TEX9: variants seen among roughly 807,000 people sequenced by gnomAD.
The protein encoded by TEX9 is testis-expressed protein 9.
In TEX9, 74 loss-of-function variants were observed where a neutral mutation model predicts 59.6. That is an observed-to-expected ratio of 1.24 (90% CI 1.03 to 1.51). The LOEUF (loss-of-function observed/expected upper bound fraction) is 1.51, where lower values mean the gene tolerates loss of function less well. TEX9 is among the 40% of genes most tolerant of loss of function. The probability of loss-of-function intolerance (pLI) is 0.00; values close to 1 mark genes in which losing one functional copy is unlikely to be tolerated. For synonymous variants in TEX9, 186 were observed against 152.2 expected, an observed-to-expected ratio of 1.22 and a Z score of -1.64; for missense variants, 522 against 447.8, an observed-to-expected ratio of 1.17 and a Z score of -1.49.
At chr15:56,324,732 C>G (rs550281004) in intron 1 of TEX9, among the ~76,000 whole-genome samples, 1 of 152,114 alleles carries the variant, frequency 6.6e-6, no homozygotes, top group Non-Finnish European at 1.5e-5. Context: ...ATTTTGTGGC[C>G]TGGCTTCGGC....
chr15:56,262,590 G>T (rs1274444981), intron 1 of TEX9, among the ~76,000 whole-genome samples: 1 of 152,160 alleles, frequency 6.6e-6, no homozygotes, highest in Non-Finnish European at 1.5e-5. Context: ...GTTAGGTGTA[G>T]TGTCATATCG....
At chr15:56,393,399 A>C (rs1298302721) in intron 7 of TEX9, among the ~76,000 whole-genome samples, 1 of 152,184 alleles carries the variant, frequency 6.6e-6, no homozygotes, top group Admixed American at 6.5e-5. Flanking sequence ...TATGCTCTGC[A>C]CGTCACATGT....
At chr15:56,337,213 C>T (rs560912777) in intron 1 of TEX9, among the ~76,000 whole-genome samples, 1 of 152,280 alleles carries the variant, frequency 6.6e-6, no homozygotes. Context: ...TCCTGTTCCA[C>T]ACATTCTATA....
intron 1 of TEX9, among the ~76,000 whole-genome samples, chr15:56,360,396 G>A (rs2046768325): frequency 1.3e-5 from 2 of 152,108 alleles, no homozygotes; most frequent in South Asian, 4.1e-4. Context: ...CAATGTCCTT[G>A]CCTACTCAGA....
At chr15:56,428,870 T>C in intron 12 of TEX9, 1 of 458,992 alleles carries the variant, frequency 2.2e-6, no homozygotes, top group South Asian at 3.2e-5. Context: ...ATGCAAACAG[T>C]GCTCTGTAGT....
At chr15:56,251,344 C>T (rs1304050285) in intron 1 of TEX9, among the ~76,000 whole-genome samples, 1 of 152,116 alleles carries the variant, frequency 6.6e-6, no homozygotes, top group East Asian at 1.9e-4. Flanking sequence ...CCAAGCCTGG[C>T]TCTGTTGATG....
intron 1 of TEX9, among the ~76,000 whole-genome samples, chr15:56,310,268 CTAAAGA>C (rs2141617610): frequency 6.6e-6 from 1 of 152,210 alleles, no homozygotes; most frequent in South Asian, 2.1e-4. Flanking sequence ...CCCGTCTCTA[CTAAAGA>C]TACAAAAATT....
At chr15:56,396,571 T>TG (rs1194030969) in intron 9 of TEX9, 1 of 150,738 alleles carries the variant, frequency 6.6e-6, no homozygotes, top group Non-Finnish European at 1.5e-5. Context: ...TGAATCTGTT[T>TG]TTTTTTTTTT....
chr15:56,346,418 C>T (rs114837294), intron 1 of TEX9, among the ~76,000 whole-genome samples: 159 of 152,208 alleles, frequency 1.0e-3, no homozygotes, highest in African/African-American at 3.7e-3. Context: ...TTTCCTGGAT[C>T]CCAGGATGGC....
At chr15:56,291,541 C>T (rs1289346537) in intron 1 of TEX9, among the ~76,000 whole-genome samples, 1 of 152,174 alleles carries the variant, frequency 6.6e-6, no homozygotes, top group Non-Finnish European at 1.5e-5. Flanking sequence ...GATTACCTCA[C>T]ATACTTATCA....
intron 1 of TEX9, among the ~76,000 whole-genome samples, chr15:56,346,706 T>C (rs2046477586): frequency 6.6e-6 from 1 of 151,642 alleles, no homozygotes; most frequent in South Asian, 2.1e-4. Context: ...ACACTCTTAT[T>C]CAACATAATG....
chr15:56,391,363 C>T (rs2048201711), exon 7 of TEX9: 2 of 1,590,028 alleles, frequency 1.3e-6, no homozygotes, highest in South Asian at 1.1e-5. Context: ...AGGAAGAAGG[C>T]TTACCTGAAT....
intron 9 of TEX9, among the ~76,000 whole-genome samples, chr15:56,401,419 G>T (rs1256846391): frequency 6.6e-6 from 1 of 151,610 alleles, no homozygotes; most frequent in South Asian, 2.1e-4. Flanking sequence ...ATGGTAAAGG[G>T]ATCAATTCAA....
At chr15:56,358,770 G>A (rs2046735653) in intron 1 of TEX9, among the ~76,000 whole-genome samples, 2 of 152,122 alleles carry the variant, frequency 1.3e-5, no homozygotes, top group East Asian at 3.9e-4. Context: ...GAGACGTGGT[G>A]GGAGGTGATT....
chr15:56,366,638 T>C (rs1187251130), intron 2 of TEX9, among the ~76,000 whole-genome samples: 3 of 152,208 alleles, frequency 2.0e-5, no homozygotes, highest in African/African-American at 7.2e-5. Context: ...CGATGTCTGT[T>C]TTATTTGCCA....
At chr15:56,393,142 G>T (rs1479516422) in intron 7 of TEX9, among the ~76,000 whole-genome samples, 1 of 152,118 alleles carries the variant, frequency 6.6e-6, no homozygotes, top group Non-Finnish European at 1.5e-5. Context: ...GGGAGAAAAA[G>T]AAATGGGAAA....
intron 8 of TEX9, 173 bp from the exon 9 acceptor site, chr15:56,394,488 T>C: frequency 1.6e-6 from 1 of 638,190 alleles, no homozygotes; most frequent in Non-Finnish European, 2.6e-6. Context: ...GTGTAAGCTA[T>C]TAAATGCAAA....
chr15:56,260,813 G>C (rs1169540008), intron 1 of TEX9, among the ~76,000 whole-genome samples: 2 of 151,774 alleles, frequency 1.3e-5, no homozygotes, highest in Non-Finnish European at 2.9e-5. Context: ...AGGTTATGTA[G>C]GATTGATATA....
the TEX9 span, among the ~76,000 whole-genome samples, chr15:56,455,191 T>C: frequency 1.3e-5 from 2 of 150,908 alleles, no homozygotes; most frequent in African/African-American, 4.9e-5. Context: ...GAAAATCTCT[T>C]CTATTTAATT....
Sources: gnomAD v4.1 joint callset for allele counts (sites outside exome capture counted in the v4.1 genomes callset) on GRCh38, gnomAD v4.1.1 for gene constraint, MANE v1.5 for transcripts, NCBI Gene and HGNC (gene_info 2026-07-23, HGNC 2026-07-21) for gene names.